GPC3: variants seen among roughly 807,000 people sequenced by gnomAD.
The protein encoded by GPC3 is glypican 3, also known as glypican-3.
A neutral mutation model predicts 34.4 loss-of-function variants in GPC3; 3 were observed. The observed-to-expected ratio is 0.09, with a 90% CI of 0.04 to 0.23. GPC3 has a LOEUF of 0.23. Among genes scored for constraint, GPC3 ranks in the 10% least tolerant of loss-of-function variants. The pLI is 1.00. For missense variants in GPC3, 351 were observed against 445.6 expected, an observed-to-expected ratio of 0.79 and a Z score of 1.91; for synonymous variants, 177 against 174.0, an observed-to-expected ratio of 1.02 and a Z score of -0.13.
chrX:133,845,631 A>G (rs746988304), intron 2 of GPC3, among the ~76,000 whole-genome samples: 1 of 111,884 alleles, frequency 8.9e-6, no homozygotes, highest in South Asian at 3.8e-4. Flanking sequence ...GAGAACTCTT[A>G]GAAATATTTG....
At chrX:133,553,663 G>A (rs2069457160) in intron 7 of GPC3, among the ~76,000 whole-genome samples, 1 of 111,260 alleles carries the variant, frequency 9.0e-6, no homozygotes, top group Admixed American at 9.6e-5. Flanking sequence ...AAACCATTTA[G>A]GAAGAGATCA....
intron 2 of GPC3, among the ~76,000 whole-genome samples, chrX:133,781,595 A>G (rs1344684060): frequency 8.9e-6 from 1 of 112,412 alleles, no homozygotes; most frequent in African/African-American, 3.2e-5. Flanking sequence ...GGTACATTAG[A>G]GCAGACTTCT....
intron 2 of GPC3, among the ~76,000 whole-genome samples, chrX:133,832,235 G>A (rs1289418833): frequency 1.8e-5 from 2 of 110,350 alleles, no homozygotes; most frequent in East Asian, 2.8e-4. Context: ...AGTGGAGATC[G>A]CACCACTGCA....
chrX:133,839,755 C>T (rs2075815298), intron 2 of GPC3, among the ~76,000 whole-genome samples: 1 of 108,588 alleles, frequency 9.2e-6, no homozygotes, highest in Non-Finnish European at 1.9e-5. Context: ...ACGGTGAAAC[C>T]CTGTCTCTAC....
intron 3 of GPC3, among the ~76,000 whole-genome samples, chrX:133,736,888 A>G (rs1007994426): frequency 4.5e-5 from 5 of 112,278 alleles, no homozygotes; most frequent in Non-Finnish European, 9.4e-5. Flanking sequence ...ATTGTATTCT[A>G]TATGAATTAC....
chrX:133,788,120 A>ATATATATATATG (rs1345029532), intron 2 of GPC3, among the ~76,000 whole-genome samples: 9 of 81,815 alleles, frequency 1.1e-4, no homozygotes, highest in African/African-American at 4.7e-4. Flanking sequence ...ATATATATAT[A>ATATATATATATG]TATGTATGTA....
rs767508419 is a variant in GPC3, at chrX:133,610,302, T to C, written c.1414-13703A>G. 4.5e-5 allele frequency among the ~76,000 whole-genome samples: 5 copies of C among 111,426 alleles called. No homozygotes were observed. The East Asian group carries it at 1.4e-3, about 32-fold the overall frequency. On this transcript the variant is annotated intron_variant, in intron 6 of 7. Coordinates refer to ENST00000370818, the MANE Select transcript of GPC3 (RefSeq NM_004484.4). ...GGGTTTCTTACTTGGAATCCTTCCC[T>C]ATCCCACAAAATTGTTTGGTGATGA...
intron 2 of GPC3, among the ~76,000 whole-genome samples, chrX:133,899,071 C>A (rs1322018153): frequency 8.9e-6 from 1 of 112,132 alleles, no homozygotes; most frequent in Non-Finnish European, 1.9e-5. Flanking sequence ...TCCCATGATG[C>A]CTGACCTTGT....
intron 2 of GPC3, among the ~76,000 whole-genome samples, chrX:133,829,027 T>C (rs894192271): frequency 9.0e-6 from 1 of 111,333 alleles, no homozygotes. Context: ...ACAACAACAA[T>C]AAAAACCCAT....
At position 133,625,176 on chromosome X, in the gene GPC3, AG is replaced by A. The variant is rs1174306004; in HGVS notation, c.1414-28578del. Among the ~76,000 whole-genome samples the A allele has an allele frequency of 2.7e-5, 3 of 111,978 alleles. No homozygotes were observed. The East Asian group carries it at 8.4e-4, about 31-fold the overall frequency. The stretch of plus-strand genomic sequence containing the variant: ...TGATGGGACGTATCTCAAAATAATA[AG>A]AGCTATTGATGGCAAACCCACAGCC... On this transcript the variant is annotated intron_variant, in intron 6 of 7. Coordinates refer to ENST00000370818, the MANE Select transcript of GPC3 (RefSeq NM_004484.4).
intron 6 of GPC3, among the ~76,000 whole-genome samples, chrX:133,638,189 T>C (rs2070447155): frequency 8.9e-6 from 1 of 112,003 alleles, no homozygotes; most frequent in South Asian, 3.8e-4. Flanking sequence ...TGCCTGCTTA[T>C]TCCATTCTGT....
chrX:133,691,882 C>A (rs945087588), intron 5 of GPC3, among the ~76,000 whole-genome samples: 3 of 112,435 alleles, frequency 2.7e-5, no homozygotes, highest in Admixed American at 9.4e-5. Flanking sequence ...AGACACAGTT[C>A]TCTATGTGTT....
At chrX:133,953,309 TG>T in intron 1 of GPC3, 98 bp from the exon 2 acceptor site, 1 of 653,438 alleles carries the variant, frequency 1.5e-6, no homozygotes, top group African/African-American at 2.2e-5. Flanking sequence ...CACTCACACA[TG>T]GCAAACAGGG....
chrX:133,616,145 T>C (rs942688953), intron 6 of GPC3, among the ~76,000 whole-genome samples: 4 of 112,066 alleles, frequency 3.6e-5, no homozygotes, highest in African/African-American at 1.3e-4. Flanking sequence ...TAGATAATTT[T>C]AAGTTATTCA....
At chrX:133,701,533 G>A (rs1037716399) in intron 3 of GPC3, among the ~76,000 whole-genome samples, 2 of 112,338 alleles carry the variant, frequency 1.8e-5, no homozygotes, top group African/African-American at 3.2e-5. Context: ...GCCATCCAAC[G>A]TAGCCAAGGT....
intron 2 of GPC3, among the ~76,000 whole-genome samples, chrX:133,882,815 G>A (rs1041397547): frequency 2.5e-4 from 28 of 111,434 alleles, no homozygotes; most frequent in Admixed American, 4.8e-4. Flanking sequence ...CAGGAGGCAC[G>A]GTGGAGGAAG....
chrX:133,908,374 C>T (rs774909487), intron 2 of GPC3, among the ~76,000 whole-genome samples: 123 of 110,966 alleles, frequency 1.1e-3, no homozygotes, highest in Non-Finnish European at 1.8e-3. Context: ...GAACACAGAG[C>T]CCCTACCCTG....
chrX:133,966,071 TAAG>T (rs910006786), intron 1 of GPC3, among the ~76,000 whole-genome samples: 2 of 111,891 alleles, frequency 1.8e-5, no homozygotes, highest in Non-Finnish European at 3.8e-5. Context: ...TCCCATATAA[TAAG>T]AAGGAAAAAG....
intron 2 of GPC3, among the ~76,000 whole-genome samples, chrX:133,777,007 G>A (rs1280099318): frequency 1.9e-5 from 2 of 105,543 alleles, no homozygotes; most frequent in Non-Finnish European, 3.9e-5. Flanking sequence ...AGCCTCCCAA[G>A]TAGCTGGGAT....
Sources: allele counts gnomAD v4.1 joint callset (sites outside exome capture counted in the v4.1 genomes callset), GRCh38; gene constraint gnomAD v4.1.1; transcripts MANE v1.5; gene names NCBI Gene and HGNC (gene_info 2026-07-23, HGNC 2026-07-21).